TBCD: variants seen among roughly 807,000 people sequenced by gnomAD.
TBCD encodes tubulin-specific chaperone D.
Under a neutral mutation model 169.3 loss-of-function variants are expected in TBCD, and 105 were observed. The observed-to-expected ratio is 0.62, with a 90% CI of 0.53 to 0.73. TBCD has a LOEUF of 0.73. Ranked by LOEUF, TBCD falls within the 30% of genes least tolerant of loss-of-function variation. TBCD has a pLI of 0.00. For synonymous variants in TBCD, 700 were observed against 643.9 expected (o/e 1.09, Z -1.32); for missense variants, 1,444 against 1,600.1 (o/e 0.90, Z 1.66).
At chr17:82,760,898 T>C (rs889505320) in intron 2 of TBCD, among the ~76,000 whole-genome samples, 7 of 152,156 alleles carry the variant, frequency 4.6e-5, no homozygotes, top group Non-Finnish European at 1.0e-4. Context: ...CTGGCTTTTT[T>C]CACTTAGCAT....
chr17:82,890,416 C>G lies in TBCD; in HGVS notation c.1563+719C>G, dbSNP rs2059048666. Among the ~76,000 whole-genome samples, 1 of 152,156 alleles carries G rather than the reference C, an allele frequency of 6.6e-6. No homozygotes were observed. ...AAAGCAAATGCAGCCGGGGTCTGGG[C>G]TGTGGCCAGGTGGTGTGGGGCGGCA... On this transcript the variant is annotated intron_variant, in intron 16 of 38. Coordinates refer to ENST00000355528, the MANE Select transcript of TBCD (RefSeq NM_005993.5). The surrounding 1 kb of genome is among the most constrained non-coding windows in gnomAD (Gnocchi z 5.3).
rs772749254 is a variant in TBCD at position 82,830,712 on chromosome 17, G to T, written c.1318+15778G>T. 6.2e-6 allele frequency: 10 copies of T among 1,614,150 alleles called. No individual in the cohort carries two copies. In the Admixed American group the frequency reaches 1.2e-4, roughly 19 times the overall value. ...AGCTGGCGGTTTCCGCCTGGGGGCTGCCTTGGTACGTGGGTTCGTGGGTGG... is the reference window on the plus strand; with the variant it reads ...AGCTGGCGGTTTCCGCCTGGGGGCTTCCTTGGTACGTGGGTTCGTGGGTGG... On this transcript the variant is annotated intron_variant, in intron 13 of 38. Transcript: ENST00000355528.
chr17:82,881,144 C>T (rs1000025769), intron 14 of TBCD, among the ~76,000 whole-genome samples: 1 of 152,184 alleles, frequency 6.6e-6, no homozygotes, highest in Non-Finnish European at 1.5e-5. Context: ...ACACTGCAAC[C>T]ACCTGGGCTT....
intron 3 of TBCD, among the ~76,000 whole-genome samples, chr17:82,765,973 CTAATTTT>C (rs2047998692): frequency 1.3e-5 from 2 of 152,140 alleles, no homozygotes. Context: ...ACCATCCTGT[CTAATTTT>C]TAATTTTTTA....
chr17:82,767,791 C>A (rs2048091346), intron 4 of TBCD, among the ~76,000 whole-genome samples: 3 of 151,822 alleles, frequency 2.0e-5, no homozygotes, highest in African/African-American at 7.3e-5. Context: ...CCTGTGTCTA[C>A]AAAAAATACA....
At chr17:82,860,216 G>A (rs908080442) in intron 13 of TBCD, among the ~76,000 whole-genome samples, 4 of 152,240 alleles carry the variant, frequency 2.6e-5, no homozygotes, top group Non-Finnish European at 5.9e-5. Flanking sequence ...ATTAGCTGTG[G>A]GCGTTCCGAG....
chr17:82,777,843 G>A (rs140937067), intron 6 of TBCD, among the ~76,000 whole-genome samples: 1,518 of 129,208 alleles, frequency 0.012, 18 homozygotes, highest in African/African-American at 0.041. Flanking sequence ...AAACTCCCCC[G>A]GGGAAAGGGA....
chr17:82,759,248 C>T (rs957155726), intron 2 of TBCD, among the ~76,000 whole-genome samples: 1 of 151,960 alleles, frequency 6.6e-6, no homozygotes, highest in Non-Finnish European at 1.5e-5. Flanking sequence ...TTTGGGAGGC[C>T]GAGGCGGGTG....
intron 13 of TBCD, among the ~76,000 whole-genome samples, chr17:82,843,290 T>TCACC (rs2054691590): frequency 1.6e-5 from 1 of 61,614 alleles, no homozygotes; most frequent in Admixed American, 1.8e-4. Flanking sequence ...TTCCCCTCCC[T>TCACC]GTCCAGCTTA....
Position 82,887,168 on chromosome 17 carries a change from T to TGTGTGTGTGTGTGTGTGCGCGC in TBCD, c.1534-2499_1534-2498insTGTGTGTGTGTGTGTGCGCGCG. 6.2e-4 allele frequency among the ~76,000 whole-genome samples: 78 copies of TGTGTGTGTGTGTGTGTGCGCGC among 126,160 alleles called. 1 individual carries two copies. The highest frequency in any genetic ancestry group is 3.5e-3 in the South Asian group (12 of 3,398). The allele number at this position is 126,160 out of a possible 152,430, so 82.8% of individuals were successfully genotyped here. A position where few individuals can be genotyped will look rare whatever the true frequency, so the allele number is the denominator to read the frequency against. ...GTGTGTGTGTGTGTGTGTGTGTGTG[T>TGTGTGTGTGTGTGTGTGCGCGC]GCGCGCGCGCGCACGTGCGCTCACG... On this transcript the variant is annotated intron_variant, in intron 15 of 38. Coordinates refer to ENST00000355528, the MANE Select transcript of TBCD (RefSeq NM_005993.5).
At chr17:82,810,392 A>G (rs1367232151) in intron 12 of TBCD, among the ~76,000 whole-genome samples, 1 of 152,188 alleles carries the variant, frequency 6.6e-6, no homozygotes, top group African/African-American at 2.4e-5. Context: ...ATGAGCCATG[A>G]TGGTGCCACT....
chr17:82,852,788 GGTT>G (rs1399761448), intron 13 of TBCD, among the ~76,000 whole-genome samples: 6 of 152,204 alleles, frequency 3.9e-5, no homozygotes, highest in African/African-American at 1.4e-4. Flanking sequence ...TAGACGTTTG[GGTT>G]GTTTCCCACT....
chr17:82,768,881 A>G (rs773081250), intron 5 of TBCD, among the ~76,000 whole-genome samples: 1 of 152,264 alleles, frequency 6.6e-6, no homozygotes, highest in Non-Finnish European at 1.5e-5. Flanking sequence ...TTAACGTTAT[A>G]TAAATAATAG....
At chr17:82,843,089 C>T (rs1029224140) in intron 13 of TBCD, among the ~76,000 whole-genome samples, 2 of 152,270 alleles carry the variant, frequency 1.3e-5, no homozygotes, top group Admixed American at 1.3e-4. Context: ...CGCAAGTGTT[C>T]TCTATTTTCT....
chr17:82,938,206 C>T (rs977072714), intron 36 of TBCD, 70 bp downstream of exon 36: 51 of 1,487,158 alleles, frequency 3.4e-5, no homozygotes, highest in East Asian at 4.9e-5. Flanking sequence ...AGAAGGCCTT[C>T]GCTGGCACTG....
At chr17:82,775,638 C>T (rs873939) in intron 6 of TBCD, among the ~76,000 whole-genome samples, 2,511 of 150,758 alleles carry the variant, frequency 0.017, 70 homozygotes, top group African/African-American at 0.057. Context: ...ACATCCACAG[C>T]GCTGTAGGTG....
At chr17:82,798,400 CT>C (rs1232007099) in intron 8 of TBCD, among the ~76,000 whole-genome samples, 2 of 152,192 alleles carry the variant, frequency 1.3e-5, no homozygotes, top group Admixed American at 1.3e-4. Flanking sequence ...CCTGCCTCGG[CT>C]TCCCAAAGTG....
chr17:82,927,374 C>T (rs552897602), intron 29 of TBCD, 51 bp downstream of exon 29: 43 of 1,575,748 alleles, frequency 2.7e-5, no homozygotes, highest in East Asian at 1.4e-4. Flanking sequence ...CCATCTATTC[C>T]GTGGAAACTC....
At chr17:82,929,324 A>T (rs1274558355) in intron 31 of TBCD, 38 bp from the exon 32 acceptor site, 5 of 1,609,710 alleles carry the variant, frequency 3.1e-6, no homozygotes, top group Non-Finnish European at 4.2e-6. Context: ...TGGCGAGATC[A>T]TTGGCAGCCC....
Sources: gnomAD v4.1 joint callset for allele counts (sites outside exome capture counted in the v4.1 genomes callset) on GRCh38, gnomAD v4.1.1 for gene constraint, Gnocchi (gnomAD v3.1) non-coding constraint, MANE v1.5 for transcripts, NCBI Gene and HGNC (gene_info 2026-07-23, HGNC 2026-07-21) for gene names.